The following C5orf63 variants were observed in gnomAD, a reference collection of about 807,000 sequenced individuals.
C5orf63 encodes glutaredoxin-like protein C5orf63.
In C5orf63, 18 loss-of-function variants were observed where a neutral mutation model predicts 13.3. That is an observed-to-expected ratio of 1.36 (90% confidence interval 0.94 to 2.01). C5orf63 has a LOEUF of 2.01. C5orf63 is among the 30% of genes most tolerant of loss of function. The pLI is 0.00. For missense variants in C5orf63, 118 were observed against 127.7 expected, an observed-to-expected ratio of 0.92 and a Z score of 0.36; for synonymous variants, 38 against 44.7, an observed-to-expected ratio of 0.85 and a Z score of 0.60.
chr5:127,055,215 C>T (rs1026448236), intron 3 of C5orf63, among the ~76,000 whole-genome samples: 1 of 152,168 alleles, frequency 6.6e-6, no homozygotes, highest in Admixed American at 6.5e-5. Flanking sequence ...CCATCCCCAT[C>T]AAGCTACCAA....
chr5:127,047,863 G>A (rs1299146562), downstream of C5orf63: 1 of 703,604 alleles, frequency 1.4e-6, no homozygotes, highest in Non-Finnish European at 2.6e-6. Context: ...GGAAGGTGAG[G>A]AAGGGGAGCG....
Position 127,064,692 on chromosome 5 carries a change from T to C in C5orf63, c.-7-5690A>G, listed in dbSNP as rs145706430. On this transcript the variant is annotated intron_variant, in intron 2 of 4. Transcript: ENST00000296662. Reference sequence around the variant, plus strand: ...GAGAGAAGCCAGCAAAGAATCAGTCTCCAGAAAGGATTGGTCACATGAGTG... The same window carrying C: ...GAGAGAAGCCAGCAAAGAATCAGTCCCCAGAAAGGATTGGTCACATGAGTG... Among the ~76,000 whole-genome samples, 21 of 152,336 alleles carry C rather than the reference T, an allele frequency of 1.4e-4. No individual in the cohort carries two copies. The East Asian group carries it at 3.9e-3, about 28-fold the overall frequency.
chr5:127,043,795 C>T (rs1753458506), downstream of C5orf63: 1 of 152,214 alleles, frequency 6.6e-6, no homozygotes, highest in African/African-American at 2.4e-5. Context: ...GCCTCATTTA[C>T]CTGGTCCAGG....
chr5:127,071,569 T>C lies in C5orf63; in HGVS notation c.-8+15A>G, dbSNP rs962394312. The C allele has an allele frequency of 2.6e-5, 4 of 152,236 alleles. No individual in the cohort carries two copies. The highest frequency in any genetic ancestry group is 9.6e-5 in the African/African-American group (4 of 41,454). 9.4% of individuals were successfully genotyped at this position (152,236 alleles called of 1,614,324 possible). A position where few individuals can be genotyped will look rare whatever the true frequency, so the allele number is the denominator to read the frequency against. ...GAGGAAGCTCACCTAGTCCCTGCTGTGTAGCTACACATACCTGATCCAGAT... is the reference window on the plus strand; with the variant it reads ...GAGGAAGCTCACCTAGTCCCTGCTGCGTAGCTACACATACCTGATCCAGAT... On this transcript the variant is annotated intron_variant, in intron 2 of 4. Coordinates refer to ENST00000296662, the MANE Select transcript of C5orf63 (RefSeq NM_001164478.2).
At chr5:127,069,358 CT>C (rs1299863710) in intron 2 of C5orf63, among the ~76,000 whole-genome samples, 1 of 152,176 alleles carries the variant, frequency 6.6e-6, no homozygotes, top group Non-Finnish European at 1.5e-5. Flanking sequence ...CATTAAACAT[CT>C]TAGTCTTATT....
rs1754102488 is a variant in C5orf63, at chr5:127,061,448, G to A, written c.-7-2446C>T. ...GCCCTTACTCTTCCACTTCTACTTG[G>A]ATCTCTCTGCCAACTAAATGATCCT... On this transcript the variant is annotated intron_variant, in intron 2 of 4. Transcript: ENST00000296662. 2.0e-5 allele frequency among the ~76,000 whole-genome samples: 3 copies of A among 152,094 alleles called. No homozygotes were observed. In the South Asian group the frequency reaches 6.2e-4, roughly 32 times the overall value.
intron 2 of C5orf63, among the ~76,000 whole-genome samples, chr5:127,068,819 C>T (rs551739644): frequency 5.3e-5 from 8 of 152,118 alleles, no homozygotes; most frequent in Non-Finnish European, 1.2e-4. Context: ...AAACACTCAG[C>T]TAAGAAAATA....
At chr5:127,056,936 A>G (rs1005417941) in intron 3 of C5orf63, among the ~76,000 whole-genome samples, 2 of 152,248 alleles carry the variant, frequency 1.3e-5, no homozygotes, top group African/African-American at 4.8e-5. Context: ...ATGGTACAGA[A>G]TAAGCATTAA....
chr5:127,048,246 GACACACACACACACACACACACACACAC>G, downstream of C5orf63, among the ~76,000 whole-genome samples: 1 of 134,780 alleles, frequency 7.4e-6, no homozygotes, highest in South Asian at 2.5e-4. Flanking sequence ...GGTCCATGAG[GACACACACACACACACACACACACACAC>G]ACACACACAC....
At chr5:127,066,194 A>G (rs1383307610) in intron 2 of C5orf63, among the ~76,000 whole-genome samples, 4 of 152,126 alleles carry the variant, frequency 2.6e-5, no homozygotes, top group Non-Finnish European at 4.4e-5. Context: ...TCAGGAGACG[A>G]GATTAACCCA....
downstream of C5orf63, chr5:127,047,517 C>T (rs2126877736): frequency 5.3e-6 from 3 of 568,982 alleles, no homozygotes; most frequent in Non-Finnish European, 9.3e-6. Flanking sequence ...GACCATATTC[C>T]TCTCTGAAAT....
At chr5:127,069,585 T>C (rs1044881055) in intron 2 of C5orf63, among the ~76,000 whole-genome samples, 2 of 152,222 alleles carry the variant, frequency 1.3e-5, no homozygotes, top group Non-Finnish European at 1.5e-5. Flanking sequence ...GCTTGCCATT[T>C]TGTAGCAAGT....
chr5:127,043,182 A>G (rs1263920583), downstream of C5orf63: 1 of 152,220 alleles, frequency 6.6e-6, no homozygotes, highest in Non-Finnish European at 1.5e-5. Context: ...GCTTTAAATG[A>G]ATAGAACAAA....
chr5:127,053,702 C>A (rs908662448), intron 3 of C5orf63, among the ~76,000 whole-genome samples: 6 of 152,238 alleles, frequency 3.9e-5, no homozygotes, highest in African/African-American at 1.4e-4. Flanking sequence ...TCTGTCCATG[C>A]GACAGTTTGC....
At chr5:127,067,939 T>C (rs1206749391) in intron 2 of C5orf63, among the ~76,000 whole-genome samples, 1 of 152,144 alleles carries the variant, frequency 6.6e-6, no homozygotes, top group East Asian at 1.9e-4. Flanking sequence ...TAAGCATAAA[T>C]GGTATAGTTC....
chr5:127,051,212 G>T, downstream of C5orf63: 1 of 827,264 alleles, frequency 1.2e-6, no homozygotes, highest in Non-Finnish European at 1.6e-6. Flanking sequence ...TGCCTCTTTG[G>T]CTAGGATAAT....
downstream of C5orf63, among the ~76,000 whole-genome samples, chr5:127,050,627 G>A (rs1481996757): frequency 1.3e-5 from 2 of 152,136 alleles, no homozygotes; most frequent in African/African-American, 4.8e-5. Flanking sequence ...GACTGGCTGT[G>A]TGACCTTGGG....
intron 2 of C5orf63, among the ~76,000 whole-genome samples, chr5:127,062,528 G>A (rs1450483950): frequency 1.3e-5 from 2 of 152,150 alleles, no homozygotes; most frequent in African/African-American, 2.4e-5. Context: ...CAGATAGTAT[G>A]CTAAAATTCC....
rs113007368 is a variant in C5orf63, at chr5:127,071,285, T to C, written c.-8+299A>G. Among the ~76,000 whole-genome samples, 375 of 152,306 alleles carry C rather than the reference T, an allele frequency of 2.5e-3. 1 individual carries two copies. Among genetic ancestry groups the C allele is most frequent in the African/African-American group, 8.2e-3 (342 of 41,564 alleles). On this transcript the variant is annotated intron_variant, in intron 2 of 4. Transcript: ENST00000296662. ...TACTGGTGAAATGGTCTGAAATCCT[T>C]GGAGATGGATACTTTCTAAAAATAG...
Sources: gnomAD v4.1 joint callset for allele counts (sites outside exome capture counted in the v4.1 genomes callset) on GRCh38, gnomAD v4.1.1 for gene constraint, MANE v1.5 for transcripts, NCBI Gene and HGNC (gene_info 2026-07-23, HGNC 2026-07-21) for gene names.